Variants in TOP2B observed in about 807,000 individuals in gnomAD.
TOP2B encodes DNA topoisomerase 2-beta.
TOP2B carries 51 observed loss-of-function variants against 193.5 expected under a neutral mutation model. The ratio of observed to expected loss-of-function variants is 0.26; its 90% CI spans 0.21 to 0.33. The LOEUF (loss-of-function observed/expected upper bound fraction) is 0.33, where lower values mean the gene tolerates loss of function less well. Among genes scored for constraint, TOP2B ranks in the 10% least tolerant of loss-of-function variants. TOP2B has a pLI of 1.00. For missense variants in TOP2B, 1,378 were observed against 1,909.3 expected, an observed-to-expected ratio of 0.72 and a Z score of 5.19; for synonymous variants, 634 against 635.7, an observed-to-expected ratio of 1.00 and a Z score of 0.04.
At chr3:25,627,321 G>T (rs1160061355) in intron 15 of TOP2B, 25 bp from the exon 16 acceptor site, 2 of 1,456,824 alleles carry the variant, frequency 1.4e-6, no homozygotes, top group African/African-American at 1.4e-5. Flanking sequence ...AAATAAAAGT[G>T]AGTCATGAAT....
At chr3:25,616,491 T>G (rs1172846505) in intron 25 of TOP2B, among the ~76,000 whole-genome samples, 1 of 151,372 alleles carries the variant, frequency 6.6e-6, no homozygotes, top group Admixed American at 6.6e-5. Context: ...TTACGTGTAC[T>G]TCAGAAGTAA....
intron 1 of TOP2B, among the ~76,000 whole-genome samples, chr3:25,659,986 G>C (rs1421296526): frequency 1.3e-5 from 2 of 152,134 alleles, no homozygotes; most frequent in African/African-American, 4.8e-5. Flanking sequence ...TTAAAATGGG[G>C]TTCTATACGT....
At chr3:25,618,231 T>A (rs1702562905) in intron 25 of TOP2B, 187 bp downstream of exon 25, 2 of 554,380 alleles carry the variant, frequency 3.6e-6, no homozygotes, top group African/African-American at 3.8e-5. Flanking sequence ...AAGTGCTTTG[T>A]GGTGGGTGTG....
chr3:25,608,832 T>C (rs1230706233), intron 30 of TOP2B, among the ~76,000 whole-genome samples: 2 of 152,174 alleles, frequency 1.3e-5, no homozygotes, highest in East Asian at 1.9e-4. Flanking sequence ...TTTCATGATA[T>C]AAGGGGTAGA....
rs1373283109 is a variant in TOP2B, at chr3:25,598,610, ATGC to A, written c.4711-136_4711-134del. 4 of 649,282 alleles carry A rather than the reference ATGC, an allele frequency of 6.2e-6. No homozygotes were observed. In the East Asian group the frequency reaches 1.3e-4, roughly 20 times the overall value. The allele number at this position is 649,282 out of a possible 1,614,324, so 40.2% of individuals were successfully genotyped here. A position where few individuals can be genotyped will look rare whatever the true frequency, so the allele number is the denominator to read the frequency against. On this transcript the variant is annotated intron_variant, in intron 35 of 35. Coordinates refer to ENST00000264331, the MANE Select transcript of TOP2B (RefSeq NM_001330700.2). ...TGGTGCTTTTAAAATTAGAATCATAATGCTAACCTAAGTGTAAGACCAGTTATC... is the reference window on the plus strand; with the variant it reads ...TGGTGCTTTTAAAATTAGAATCATAATAACCTAAGTGTAAGACCAGTTATC...
In TOP2B at chr3:25,630,262, A is replaced by G. The variant is rs17016886; in HGVS notation, c.1563+50T>C. The G allele has an allele frequency of 1.9e-4, 287 of 1,530,984 alleles. 1 individual carries two copies. In the East Asian group the frequency reaches 6.5e-3, roughly 35 times the overall value. 94.8% of individuals were successfully genotyped at this position (1,530,984 alleles called of 1,614,324 possible). A position where few individuals can be genotyped will look rare whatever the true frequency, so the allele number is the denominator to read the frequency against. On this transcript the variant is annotated intron_variant, in intron 12 of 35. Transcript: ENST00000264331. ...TTTAGTAAAGTATTAGAAATGTCAT[A>G]TGTATGTGTGCATGTGTGTATACAC...
chr3:25,613,885 C>A (rs1575565941), intron 27 of TOP2B, among the ~76,000 whole-genome samples: 1 of 152,082 alleles, frequency 6.6e-6, no homozygotes, highest in Non-Finnish European at 1.5e-5. Flanking sequence ...AGTGACTTAA[C>A]CTCTCCAAGC....
In TOP2B at chr3:25,638,308, T is replaced by G. The variant is rs1368227324; in HGVS notation, c.398A>C (p.Glu133Ala). The change falls in exon 5 of 36, where the codon GAA becomes GCA. Residue 133 changes from glutamate (E) to alanine (A), a missense_variant and splice_region_variant. Glu to Ala is a moderately radical substitution (Grantham distance 107). Transcript: ENST00000264331. ...ATTCCAAATGCTTATAATGTTAGAT[T>G]CACTGTAAAAAAAAAAAAAAAAAAA... ...MTCIKVSIDPESNIISIWNNG... is the reference protein window; with the variant it reads ...MTCIKVSIDPASNIISIWNNG... The G allele has an allele frequency of 2.3e-6, 1 of 434,500 alleles. No homozygotes were observed. Among genetic ancestry groups the G allele is most frequent in the South Asian group, 5.0e-5 (1 of 19,934 alleles). 26.9% of individuals were successfully genotyped at this position (434,500 alleles called of 1,614,324 possible).
In TOP2B at chr3:25,630,551, T is replaced by G. The variant is rs1324235621; in HGVS notation, c.1406-82A>C. The G allele has an allele frequency of 6.1e-6, 7 of 1,148,120 alleles. No individual in the cohort carries two copies. The East Asian group carries it at 1.8e-4, about 30-fold the overall frequency. The allele number at this position is 1,148,120 out of a possible 1,614,324, so 71.1% of individuals were successfully genotyped here. ...AAAAATGAAGTCAGAAAATTAACAT[T>G]AGAATGCTGACAGTGAAAGACTATA... is the stretch of plus-strand genomic sequence containing the variant. On this transcript the variant is annotated intron_variant, in intron 11 of 35. Coordinates refer to ENST00000264331, the MANE Select transcript of TOP2B (RefSeq NM_001330700.2).
chr3:25,602,440 C>A (rs1340468201), intron 33 of TOP2B, among the ~76,000 whole-genome samples: 2 of 142,092 alleles, frequency 1.4e-5, no homozygotes, highest in African/African-American at 5.3e-5. Flanking sequence ...TGATAAATCA[C>A]TTTTTGTAAT....
intron 1 of TOP2B, among the ~76,000 whole-genome samples, chr3:25,663,480 T>C (rs370849600): frequency 1.6e-4 from 25 of 152,192 alleles, no homozygotes; most frequent in African/African-American, 6.0e-4. Context: ...CTCCTTCCGC[T>C]GCAGTTACTT....
chr3:25,661,751 G>A (rs529673715), intron 1 of TOP2B, among the ~76,000 whole-genome samples: 22 of 152,080 alleles, frequency 1.4e-4, no homozygotes, highest in Non-Finnish European at 2.8e-4. Context: ...AAACCACTTG[G>A]CTTTGTAGTT....
intron 15 of TOP2B, among the ~76,000 whole-genome samples, chr3:25,627,549 T>C (rs925900774): frequency 2.0e-5 from 3 of 152,000 alleles, no homozygotes; most frequent in Non-Finnish European, 4.4e-5. Context: ...GATTTAACCA[T>C]CAGTTAACAG....
chr3:25,633,949 G>T lies in TOP2B; in HGVS notation c.918C>A (p.Ala306=), dbSNP rs1703031083. The T allele has an allele frequency of 3.1e-6, 5 of 1,612,350 alleles. No individual in the cohort carries two copies. In the African/African-American group the frequency reaches 4.0e-5, roughly 13 times the overall value. ...TTGCAAGCTCATGAATAACTTTCAG[G>T]GCCACCCCAGTTTCATCCAATTTGT... The part of the protein sequence containing the change: ...VKDKLDETGV[A]LKVIHELANE... The change falls in exon 8 of 36, where the codon GCC becomes GCA. Residue 306 remains alanine (A), a synonymous_variant. Transcript: ENST00000264331.
intron 18 of TOP2B, among the ~76,000 whole-genome samples, chr3:25,626,003 T>C (rs1239013390): frequency 6.6e-6 from 1 of 152,102 alleles, no homozygotes; most frequent in Admixed American, 6.6e-5. Flanking sequence ...TAGAAACATC[T>C]GCTATTACCA....
At chr3:25,613,338 G>C (rs892879276) in intron 27 of TOP2B, among the ~76,000 whole-genome samples, 8 of 152,082 alleles carry the variant, frequency 5.3e-5, no homozygotes, top group African/African-American at 1.9e-4. Flanking sequence ...TTTTTTAAAA[G>C]ATCTTTGTAG....
chr3:25,615,557 C>A lies in TOP2B; in HGVS notation c.3381G>T (p.Gln1127His), dbSNP rs1489187750. 5.2e-5 allele frequency: 81 copies of A among 1,568,108 alleles called. No individual in the cohort carries two copies. The highest frequency in any genetic ancestry group is 6.5e-5 in the Non-Finnish European group (75 of 1,157,556). ...CTGAATCGGAGGAACTATCATCATG[C>A]TGGTTTTGTGTTTCATCCTCTTCTG... ...KAAEEDETQN[Q>H]HDDSSSDSGT... is the part of the protein sequence containing the mutation. Residue 1127 changes from glutamine to histidine, a missense_variant, in exon 26 of 36, where the codon CAG becomes CAT. Physicochemically the swap from Gln to His is conservative, Grantham distance 24. Transcript: ENST00000264331.
chr3:25,650,894 TAA>T (rs1027084506), intron 1 of TOP2B, among the ~76,000 whole-genome samples: 2 of 152,346 alleles, frequency 1.3e-5, no homozygotes, highest in Admixed American at 1.3e-4. Flanking sequence ...AGCTTCTTCA[TAA>T]ACTTGATGTT....
Position 25,653,120 on chromosome 3 carries a change from T to G in TOP2B, c.70-7650A>C, listed in dbSNP as rs111428773. Among the ~76,000 whole-genome samples, 365 of 152,054 alleles carry G rather than the reference T, an allele frequency of 2.4e-3. 3 individuals are homozygous for G. Among genetic ancestry groups the G allele is most frequent in the African/African-American group, 8.4e-3 (349 of 41,502 alleles). On this transcript the variant is annotated intron_variant, in intron 1 of 35. Transcript: ENST00000264331. Reference sequence around the variant, plus strand: ...AAAATCTCAACAGCCCTATAACAAATAAGAAGATGAAACAGTAATCAAAAA... The same window carrying G: ...AAAATCTCAACAGCCCTATAACAAAGAAGAAGATGAAACAGTAATCAAAAA...
Sources: allele counts gnomAD v4.1 joint callset (sites outside exome capture counted in the v4.1 genomes callset), GRCh38; gene constraint gnomAD v4.1.1; transcripts MANE v1.5; gene names NCBI Gene and HGNC (gene_info 2026-07-23, HGNC 2026-07-21).